The following PPP1R37 variants were observed in gnomAD, a reference collection of about 807,000 sequenced individuals.
PPP1R37 encodes leucine rich repeat containing 68.
A neutral mutation model predicts 61.0 loss-of-function variants in PPP1R37; 21 were observed. That is an observed-to-expected ratio of 0.34 (90% CI 0.24 to 0.50). PPP1R37 has a LOEUF of 0.50. Among genes scored for constraint, PPP1R37 ranks in the 20% least tolerant of loss-of-function variants. The pLI is 0.98. For synonymous variants in PPP1R37, 443 were observed against 433.5 expected, an observed-to-expected ratio of 1.02 and a Z score of -0.27; for missense variants, 910 against 952.7, an observed-to-expected ratio of 0.96 and a Z score of 0.59.
rs1424059939 is a variant in PPP1R37, at chr19:45,143,627, G to T, written c.981G>T (p.Met327Ile). 2 of 1,529,500 alleles carry T rather than the reference G, an allele frequency of 1.3e-6. No homozygotes were observed. The highest frequency in any genetic ancestry group is 1.2e-5 in the South Asian group (1 of 83,896). The allele number at this position is 1,529,500 out of a possible 1,614,324, so 94.7% of individuals were successfully genotyped here. ...LTHTGMAFLG[M>I]TLPHTQSLET... The stretch of plus-strand genomic sequence containing the variant: ...ACACAGGCATGGCCTTCCTGGGCAT[G>T]ACACTGGTGAGTCAGGCTGGCAGGG... Residue 327 changes from methionine (M) to isoleucine (I), a missense_variant, in exon 8 of 13, where the codon ATG (methionine) becomes ATT (isoleucine). By Grantham distance (10) the Met-to-Ile change is conservative (BLOSUM62 1). This residue lies in a region of PPP1R37 where 549 missense variants were observed against 505.1 expected (regional missense o/e 1.09). Coordinates refer to ENST00000221462, the MANE Select transcript of PPP1R37 (RefSeq NM_019121.2).
At position 45,118,959 on chromosome 19, in the gene PPP1R37, C is replaced by CT. The variant is rs879838641; in HGVS notation, c.203-19543dup. ...GGCCACCGCCTCTGAGCAGCTGCTG[C>CT]TTTTTTTTTTTTCTCATTTAACTTT... On this transcript the variant is annotated intron_variant, in intron 1 of 12. Coordinates refer to ENST00000221462, the MANE Select transcript of PPP1R37 (RefSeq NM_019121.2). Among the ~76,000 whole-genome samples the CT allele has an allele frequency of 1.9e-3, 279 of 146,654 alleles. 4 individuals carry two copies. In the East Asian group the frequency reaches 0.023, roughly 12 times the overall value.
chr19:45,114,410 C>A (rs1968238404), intron 1 of PPP1R37, among the ~76,000 whole-genome samples: 1 of 152,250 alleles, frequency 6.6e-6, no homozygotes, highest in Admixed American at 6.5e-5. Context: ...ACAAGCCCAG[C>A]CCTCCTGGTG....
At chr19:45,127,543 G>C (rs1968422737) in intron 1 of PPP1R37, among the ~76,000 whole-genome samples, 1 of 151,796 alleles carries the variant, frequency 6.6e-6, no homozygotes, top group South Asian at 2.1e-4. Flanking sequence ...AAAATATAGT[G>C]GGAAATCTTA....
intron 9 of PPP1R37, 29 bp from the exon 10 acceptor site, chr19:45,145,065 C>G: frequency 6.6e-7 from 1 of 1,524,134 alleles, no homozygotes; most frequent in Non-Finnish European, 8.8e-7. Flanking sequence ...GTGTGGGGCC[C>G]GTGGCCAGCC....
At position 45,121,643 on chromosome 19, in the gene PPP1R37, G is replaced by A. The variant is rs1417583825; in HGVS notation, c.203-16871G>A. 6.6e-6 allele frequency among the ~76,000 whole-genome samples: 1 copy of A among 152,226 alleles called. No individual in the cohort carries two copies. Among genetic ancestry groups the A allele is most frequent in the Non-Finnish European group, 1.5e-5 (1 of 68,038 alleles). On this transcript the variant is annotated intron_variant, in intron 1 of 12. Transcript: ENST00000221462. This position sits in a 1 kb window ranked among gnomAD's most constrained non-coding sequence, Gnocchi z 4.2. ...AGATGTGTGGGCAGCTGTGTGCAGTGTATACAGGGAGTCCAGGGGCTGGTG... is the reference window on the plus strand; with the variant it reads ...AGATGTGTGGGCAGCTGTGTGCAGTATATACAGGGAGTCCAGGGGCTGGTG...
chr19:45,093,248 A>T lies in PPP1R37; in HGVS notation c.-78A>T. ...GCGGCGGCGGAGCCCATGCCCCGGG[A>T]CGGCGGGCGGACCCGGAGAGACAAA... On this transcript the variant is annotated 5_prime_UTR_variant, in exon 1 of 13. Coordinates refer to ENST00000221462, the MANE Select transcript of PPP1R37 (RefSeq NM_019121.2). 1 of 1,158,476 alleles carries T rather than the reference A, an allele frequency of 8.6e-7. No homozygotes were observed. The highest frequency in any genetic ancestry group is 1.1e-6 in the Non-Finnish European group (1 of 892,596). The allele number at this position is 1,158,476 out of a possible 1,614,324, so 71.8% of individuals were successfully genotyped here. A position where few individuals can be genotyped will look rare whatever the true frequency, so the allele number is the denominator to read the frequency against.
intron 1 of PPP1R37, among the ~76,000 whole-genome samples, chr19:45,137,860 C>T (rs1160714552): frequency 2.0e-5 from 3 of 151,658 alleles, no homozygotes; most frequent in Admixed American, 2.0e-4. Flanking sequence ...AACCAAGGAC[C>T]AAGTACAGTG....
At chr19:45,097,912 A>G (rs1968014007) in intron 1 of PPP1R37, among the ~76,000 whole-genome samples, 2 of 152,144 alleles carry the variant, frequency 1.3e-5, no homozygotes, top group South Asian at 4.1e-4. Context: ...GCTGAATGTC[A>G]GGGGCCTGAG....
At chr19:45,127,375 A>C (rs1235733754) in intron 1 of PPP1R37, among the ~76,000 whole-genome samples, 1 of 149,496 alleles carries the variant, frequency 6.7e-6, no homozygotes, top group Middle Eastern at 3.4e-3. Context: ...AAAAAAAAAA[A>C]ACCCTAGGTG....
chr19:45,146,327 C>A (rs771102702), intron 11 of PPP1R37, 63 bp from the exon 12 acceptor site: 106 of 1,449,952 alleles, frequency 7.3e-5, no homozygotes, highest in Non-Finnish European at 9.5e-5. Context: ...TGGGGCCGGG[C>A]TGGGGACAGG....
rs577891376 is a variant in PPP1R37, at chr19:45,123,507, C to T, written c.203-15007C>T. Among the ~76,000 whole-genome samples, 4 of 152,170 alleles carry T rather than the reference C, an allele frequency of 2.6e-5. No individual in the cohort carries two copies. The East Asian group carries it at 5.8e-4, about 22-fold the overall frequency. On this transcript the variant is annotated intron_variant, in intron 1 of 12. Transcript: ENST00000221462. ...ACAACCTGTCTGTCCGGTTTGAAGCCGGGGCCTGAGGGCTTCAGGGTACTG... is the reference window on the plus strand; with the variant it reads ...ACAACCTGTCTGTCCGGTTTGAAGCTGGGGCCTGAGGGCTTCAGGGTACTG...
intron 1 of PPP1R37, among the ~76,000 whole-genome samples, chr19:45,125,785 TGA>T (rs982481031): frequency 6.6e-6 from 1 of 151,800 alleles, no homozygotes; most frequent in African/African-American, 2.4e-5. Flanking sequence ...GCTCCTGGGG[TGA>T]GAGAGATTGG....
chr19:45,138,919 T>G (rs1344911747), intron 2 of PPP1R37, among the ~76,000 whole-genome samples: 1 of 140,094 alleles, frequency 7.1e-6, no homozygotes, highest in East Asian at 2.0e-4. Context: ...TTTTTTTTTT[T>G]TTTTTTTTTT....
In PPP1R37 at chr19:45,093,200, A is replaced by C. The variant is rs1967943074; in HGVS notation, c.-126A>C. Reference sequence around the variant, plus strand: ...CGGCGACGACTACGACCACTAGGAGAGCGGACGGAGGCGGCGCCTGAAGCG... The same window carrying C: ...CGGCGACGACTACGACCACTAGGAGCGCGGACGGAGGCGGCGCCTGAAGCG... On this transcript the variant is annotated 5_prime_UTR_variant, in exon 1 of 13. Coordinates refer to ENST00000221462, the MANE Select transcript of PPP1R37 (RefSeq NM_019121.2). 1.3e-6 allele frequency: 1 copy of C among 765,598 alleles called. No homozygotes were observed. Among genetic ancestry groups the C allele is most frequent in the Non-Finnish European group, 1.8e-6 (1 of 540,684 alleles). 47.4% of individuals were successfully genotyped at this position (765,598 alleles called of 1,614,324 possible).
In PPP1R37 at chr19:45,146,441, CCA is replaced by C; in HGVS notation, c.2046_2047del (p.Gln684GlyfsTer11). Reference sequence around the variant, plus strand: ...GAGCTCGAGGAGCTGCTTCTGGAAGCCAGTCAGGAATCCGGGCAGGAGACACT... The same window carrying C: ...GAGCTCGAGGAGCTGCTTCTGGAAGCGTCAGGAATCCGGGCAGGAGACACT... On this transcript the variant is annotated frameshift_variant, in exon 12 of 13. Transcript: ENST00000221462. LOFTEE classifies it high-confidence loss of function. 1.3e-6 allele frequency: 2 copies of C among 1,535,856 alleles called. No individual in the cohort carries two copies. The highest frequency in any genetic ancestry group is 1.7e-6 in the Non-Finnish European group (2 of 1,146,778).
intron 1 of PPP1R37, among the ~76,000 whole-genome samples, chr19:45,107,912 A>G (rs1426860313): frequency 6.6e-6 from 1 of 152,214 alleles, no homozygotes; most frequent in African/African-American, 2.4e-5. Context: ...AATTCATTCT[A>G]GCCATTTCCG....
At chr19:45,127,312 A>G (rs1318422493) in intron 1 of PPP1R37, among the ~76,000 whole-genome samples, 2 of 140,330 alleles carry the variant, frequency 1.4e-5, no homozygotes, top group Non-Finnish European at 3.0e-5. Context: ...AGATCATGCT[A>G]TTACACTCCA....
intron 1 of PPP1R37, among the ~76,000 whole-genome samples, chr19:45,133,304 G>A (rs1968500923): frequency 6.6e-6 from 1 of 152,110 alleles, no homozygotes; most frequent in Non-Finnish European, 1.5e-5. Context: ...GGCTTGTCTC[G>A]AACTCCTGGC....
At chr19:45,098,923 T>C (rs1283095336) in intron 1 of PPP1R37, among the ~76,000 whole-genome samples, 1 of 152,152 alleles carries the variant, frequency 6.6e-6, no homozygotes, top group African/African-American at 2.4e-5. Context: ...AGTTGGCAAG[T>C]AGACCCTGCC....
Sources: allele counts gnomAD v4.1 joint callset (sites outside exome capture counted in the v4.1 genomes callset), GRCh38; gene constraint gnomAD v4.1.1; regional missense constraint gnomAD v4.1.1; non-coding constraint Gnocchi (gnomAD v3.1); transcripts MANE v1.5; gene names NCBI Gene and HGNC (gene_info 2026-07-23, HGNC 2026-07-21).